The following ZNF804B variants were observed in gnomAD, a reference collection of about 807,000 sequenced individuals.
ZNF804B encodes zinc finger protein 804B, also known as zinc finger 804B.
Under a neutral mutation model 101.4 loss-of-function variants are expected in ZNF804B, and 80 were observed. The observed-to-expected ratio is 0.79, with a 90% CI of 0.66 to 0.95. The LOEUF is 0.95. Among genes scored for constraint, ZNF804B ranks in the 40% least tolerant of loss-of-function variants. ZNF804B has a pLI of 0.00. For synonymous variants in ZNF804B, 622 were observed against 558.8 expected (o/e 1.11, Z -1.59); for missense variants, 1,673 against 1,561.9 (o/e 1.07, Z -1.20).
In ZNF804B at chr7:88,840,022, G is replaced by A. The variant is rs188724406; in HGVS notation, c.108+79938G>A. On this transcript the variant is annotated intron_variant, in intron 1 of 3. Coordinates refer to ENST00000333190, the MANE Select transcript of ZNF804B (RefSeq NM_181646.5). Reference sequence around the variant, plus strand: ...CAGGTTTCTGAAAGCTCTGGTTCTTGTGTTAGCCCCTTCATGGAAGATGTC... The same window carrying A: ...CAGGTTTCTGAAAGCTCTGGTTCTTATGTTAGCCCCTTCATGGAAGATGTC... Among the ~76,000 whole-genome samples, 118 of 152,240 alleles carry A rather than the reference G, an allele frequency of 7.8e-4. 1 individual carries two copies. The highest frequency in any genetic ancestry group is 2.7e-3 in the African/African-American group (113 of 41,556).
At position 89,334,578 on chromosome 7, in the gene ZNF804B, A is replaced by C. The variant is rs781274730; in HGVS notation, c.1596A>C (p.Gln532His). 2.5e-6 allele frequency: 4 copies of C among 1,613,800 alleles called. No homozygotes were observed. The South Asian group carries it at 4.4e-5, about 18-fold the overall frequency. The change falls in exon 4 of 4, where the codon CAA (glutamine) becomes CAC (histidine). Residue 532 changes from glutamine (Q) to histidine (H), a missense_variant. Coordinates refer to ENST00000333190, the MANE Select transcript of ZNF804B (RefSeq NM_181646.5). ...DQQKLIQEDY[Q>H]YPKPKTMIAN... ...AAAAATTGATCCAAGAAGATTATCAATATCCGAAACCAAAGACGATGATAG... is the reference window on the plus strand; with the variant it reads ...AAAAATTGATCCAAGAAGATTATCACTATCCGAAACCAAAGACGATGATAG...
intron 1 of ZNF804B, among the ~76,000 whole-genome samples, chr7:89,174,229 A>G (rs1791283752): frequency 6.6e-6 from 1 of 151,660 alleles, no homozygotes; most frequent in Non-Finnish European, 1.5e-5. Flanking sequence ...ATCTCCACTT[A>G]CTCTCATCCC....
chr7:88,832,506 T>C (rs1171648103), intron 1 of ZNF804B, among the ~76,000 whole-genome samples: 3 of 151,942 alleles, frequency 2.0e-5, no homozygotes, highest in African/African-American at 7.2e-5. Context: ...ACAGTCTCCT[T>C]CTGTACCTGA....
chr7:88,822,404 T>C (rs1335675206), intron 1 of ZNF804B, among the ~76,000 whole-genome samples: 1 of 152,214 alleles, frequency 6.6e-6, no homozygotes, highest in Non-Finnish European at 1.5e-5. Flanking sequence ...CATTACTGTT[T>C]ATAGTTATCG....
At chr7:88,947,833 T>C (rs1044337606) in intron 1 of ZNF804B, among the ~76,000 whole-genome samples, 2 of 151,930 alleles carry the variant, frequency 1.3e-5, no homozygotes, top group African/African-American at 4.8e-5. Flanking sequence ...CAATCTACAC[T>C]GTGCCATTTC....
chr7:88,773,621 A>T (rs1185939399), intron 1 of ZNF804B, among the ~76,000 whole-genome samples: 2 of 152,184 alleles, frequency 1.3e-5, no homozygotes, highest in Admixed American at 1.3e-4. Flanking sequence ...CTATAAAGAA[A>T]TACCTGAGAC....
chr7:88,798,931 T>C (rs1790534946), intron 1 of ZNF804B, among the ~76,000 whole-genome samples: 1 of 152,118 alleles, frequency 6.6e-6, no homozygotes, highest in Non-Finnish European at 1.5e-5. Context: ...TGTGTTATTC[T>C]ACCCAGAGTG....
chr7:89,247,691 C>T (rs1020084308), intron 2 of ZNF804B, among the ~76,000 whole-genome samples: 2 of 152,020 alleles, frequency 1.3e-5, no homozygotes, highest in African/African-American at 4.8e-5. Context: ...ATTAAGGCAC[C>T]ATGAAATATC....
At chr7:88,830,388 A>G (rs1487487157) in intron 1 of ZNF804B, among the ~76,000 whole-genome samples, 1 of 152,046 alleles carries the variant, frequency 6.6e-6, no homozygotes, top group African/African-American at 2.4e-5. Flanking sequence ...GACAAATACA[A>G]ATCACTTTAA....
chr7:88,954,945 A>G (rs770851949), intron 1 of ZNF804B, among the ~76,000 whole-genome samples: 18 of 151,574 alleles, frequency 1.2e-4, no homozygotes, highest in Non-Finnish European at 2.1e-4. Context: ...TTGGAGAACA[A>G]AGTCATTTTG....
chr7:89,012,600 C>G (rs892344859), intron 1 of ZNF804B, among the ~76,000 whole-genome samples: 2 of 152,172 alleles, frequency 1.3e-5, no homozygotes, highest in Non-Finnish European at 2.9e-5. Flanking sequence ...AGAAGTTCCT[C>G]ATTGTCTTCT....
intron 1 of ZNF804B, among the ~76,000 whole-genome samples, chr7:88,936,774 A>G (rs1792977793): frequency 6.6e-6 from 1 of 152,046 alleles, no homozygotes; most frequent in Non-Finnish European, 1.5e-5. Flanking sequence ...GTTCTACCTT[A>G]TGCTTGGTGG....
intron 2 of ZNF804B, among the ~76,000 whole-genome samples, chr7:89,270,416 T>C (rs1020620645): frequency 2.0e-5 from 3 of 152,182 alleles, no homozygotes; most frequent in African/African-American, 7.2e-5. Context: ...TTCTGTCCCA[T>C]TGGTCTATAT....
chr7:89,294,556 T>C (rs1790349365), intron 2 of ZNF804B, among the ~76,000 whole-genome samples: 1 of 152,008 alleles, frequency 6.6e-6, no homozygotes, highest in Admixed American at 6.6e-5. Flanking sequence ...TATCTCTTGT[T>C]ACTTTTTTTT....
At chr7:89,037,161 G>T (rs1788941263) in intron 1 of ZNF804B, among the ~76,000 whole-genome samples, 1 of 152,042 alleles carries the variant, frequency 6.6e-6, no homozygotes, top group Non-Finnish European at 1.5e-5. Context: ...AGTCCTATGG[G>T]CAATGCTCAC....
chr7:88,842,019 C>G (rs1267966314), intron 1 of ZNF804B, among the ~76,000 whole-genome samples: 1 of 152,128 alleles, frequency 6.6e-6, no homozygotes, highest in Non-Finnish European at 1.5e-5. Context: ...ATAATCTCAG[C>G]TATGCTCTGC....
intron 1 of ZNF804B, among the ~76,000 whole-genome samples, chr7:89,215,300 A>T (rs1031111897): frequency 9.2e-5 from 14 of 152,198 alleles, no homozygotes; most frequent in Non-Finnish European, 1.9e-4. Context: ...AAATTGTAAA[A>T]TTTTGAATTA....
chr7:89,093,785 A>T (rs993582613), intron 1 of ZNF804B, among the ~76,000 whole-genome samples: 1 of 152,224 alleles, frequency 6.6e-6, no homozygotes, highest in Non-Finnish European at 1.5e-5. Context: ...ACAGGTATAG[A>T]AAGGTCCAAT....
chr7:89,024,740 A>G (rs959327185), intron 1 of ZNF804B, among the ~76,000 whole-genome samples: 1 of 150,680 alleles, frequency 6.6e-6, no homozygotes, highest in Admixed American at 6.7e-5. Flanking sequence ...GGCTGATACC[A>G]CATTCCATGG....
Sources: gnomAD v4.1 joint callset for allele counts (sites outside exome capture counted in the v4.1 genomes callset) on GRCh38, gnomAD v4.1.1 for gene constraint, MANE v1.5 for transcripts, NCBI Gene and HGNC (gene_info 2026-07-23, HGNC 2026-07-21) for gene names.